Variants in RYK observed in about 807,000 individuals in gnomAD.
RYK encodes the protein inactive tyrosine-protein kinase RYK.
In RYK, 21 loss-of-function variants were observed where a neutral mutation model predicts 70.2. That is an observed-to-expected ratio of 0.30 (90% CI 0.21 to 0.43). The LOEUF is 0.43. Ranked by LOEUF, RYK falls within the 20% of genes least tolerant of loss-of-function variation. The pLI is 1.00. For missense variants in RYK, 604 were observed against 753.3 expected, an observed-to-expected ratio of 0.80 and a Z score of 2.32; for synonymous variants, 267 against 278.0, an observed-to-expected ratio of 0.96 and a Z score of 0.39.
chr3:134,250,659 G>T lies in RYK; in HGVS notation c.-5C>A. ...CAGCCGCGCCGCCCCACGCATGGCC[G>T]CCGCCGCCGCCGCCGAAGAGGAGCG... On this transcript the variant is annotated 5_prime_UTR_variant, in exon 1 of 15. Coordinates refer to ENST00000623711, the MANE Select transcript of RYK (RefSeq NM_002958.4). 1 of 979,490 alleles carries T rather than the reference G, an allele frequency of 1.0e-6. No homozygotes were observed. The highest frequency in any genetic ancestry group is 1.2e-6 in the Non-Finnish European group (1 of 826,978). The allele number at this position is 979,490 out of a possible 1,614,324, so 60.7% of individuals were successfully genotyped here. A position where few individuals can be genotyped will look rare whatever the true frequency, so the allele number is the denominator to read the frequency against.
chr3:134,212,187 A>G (rs1456702744), intron 2 of RYK, among the ~76,000 whole-genome samples: 1 of 152,206 alleles, frequency 6.6e-6, no homozygotes, highest in Non-Finnish European at 1.5e-5. Flanking sequence ...TTCTTAAGTG[A>G]TTCAGAATCC....
At position 134,174,386 on chromosome 3, in the gene RYK, G is replaced by A. The variant is rs371297036; in HGVS notation, c.1575+1223C>T. Among the ~76,000 whole-genome samples the A allele has an allele frequency of 2.6e-4, 39 of 152,208 alleles. 1 individual carries two copies. Among genetic ancestry groups the A allele is most frequent in the Admixed American group, 9.2e-4 (14 of 15,296 alleles). ...ATACCAATTAATATAATTAATTAGCGTACAGTAATACATGATTAAAAGATT... is the reference window on the plus strand; with the variant it reads ...ATACCAATTAATATAATTAATTAGCATACAGTAATACATGATTAAAAGATT... On this transcript the variant is annotated intron_variant, in intron 13 of 14. Transcript: ENST00000623711.
rs191818784 is a variant in RYK at position 134,202,757 on chromosome 3, C to T, written c.761G>A (p.Ser254Asn). 513 of 1,612,828 alleles carry T rather than the reference C, an allele frequency of 3.2e-4. 2 individuals carry two copies. The East Asian group carries it at 4.8e-3, about 15-fold the overall frequency. ...AIILAVLHLH[S>N]MKRIELDDSI... Reference sequence around the variant, plus strand: ...GTCATCCAGTTCAATCCTTTTCATACTATGAAGGTGCAAAACAGCTAATAT... The same window carrying T: ...GTCATCCAGTTCAATCCTTTTCATATTATGAAGGTGCAAAACAGCTAATAT... Residue 254 changes from serine to asparagine, a missense_variant, in exon 6 of 15, where the codon AGT (serine) becomes AAT (asparagine). By Grantham distance (46) the Ser-to-Asn change is conservative. Around this residue, in one of 2 missense-constraint regions of RYK, gnomAD observed 466 missense variants for 535.9 expected, o/e 0.87. Coordinates refer to ENST00000623711, the MANE Select transcript of RYK (RefSeq NM_002958.4).
intron 13 of RYK, among the ~76,000 whole-genome samples, chr3:134,161,870 A>G (rs937963353): frequency 4.6e-5 from 7 of 152,208 alleles, no homozygotes; most frequent in Non-Finnish European, 2.9e-5. Flanking sequence ...ATAATAACAT[A>G]CCACAAACGA....
At chr3:134,205,168 A>G (rs1220336155) in intron 5 of RYK, among the ~76,000 whole-genome samples, 1 of 152,196 alleles carries the variant, frequency 6.6e-6, no homozygotes, top group East Asian at 1.9e-4. Flanking sequence ...GTTTTGCCCA[A>G]GTTAAATTTG....
In RYK at chr3:134,157,664, T is replaced by G. The variant is rs2012293770; in HGVS notation, c.*489A>C. The G allele has an allele frequency of 1.3e-5, 2 of 152,672 alleles. No homozygotes were observed. The highest frequency in any genetic ancestry group is 2.4e-5 in the African/African-American group (1 of 41,438). 9.5% of individuals were successfully genotyped at this position (152,672 alleles called of 1,614,324 possible). ...AGGCAGACCAGGTATCTTTTTATGC[T>G]GTTTTTCCTTTACTAAGAAAAGTAT... On this transcript the variant is annotated 3_prime_UTR_variant, in exon 15 of 15. Transcript: ENST00000623711.
chr3:134,164,292 A>G (rs2012582676), intron 13 of RYK, among the ~76,000 whole-genome samples: 1 of 152,216 alleles, frequency 6.6e-6, no homozygotes, highest in South Asian at 2.1e-4. Flanking sequence ...AATTGCACAT[A>G]AAGTATTCCA....
At chr3:134,220,426 G>A (rs7641162) in intron 2 of RYK, among the ~76,000 whole-genome samples, 71,397 of 151,688 alleles carry the variant, frequency 0.47, 17,557 homozygotes, top group Middle Eastern at 0.65. Flanking sequence ...ATGGGGAGGG[G>A]GAGGGAGAGG....
At chr3:134,217,747 C>A (rs12152343) in intron 2 of RYK, among the ~76,000 whole-genome samples, 8 of 152,144 alleles carry the variant, frequency 5.3e-5, no homozygotes, top group Admixed American at 5.2e-4. Context: ...GCAAGGGGAA[C>A]TAAGTGGCTG....
chr3:134,192,129 T>A, intron 7 of RYK, 155 bp from the exon 8 acceptor site: 1 of 666,030 alleles, frequency 1.5e-6, no homozygotes, highest in Non-Finnish European at 2.5e-6. Context: ...GGAGAGTTAT[T>A]TGAAGGCCAC....
chr3:134,204,039 TGCC>T (rs139453226), intron 5 of RYK, among the ~76,000 whole-genome samples: 1,872 of 152,342 alleles, frequency 0.012, 17 homozygotes, highest in Non-Finnish European at 0.019. Context: ...ATCATTTTGT[TGCC>T]AGGGACCACT....
At chr3:134,190,405 A>C (rs528702339) in intron 8 of RYK, among the ~76,000 whole-genome samples, 43 of 152,306 alleles carry the variant, frequency 2.8e-4, no homozygotes, top group African/African-American at 9.9e-4. Context: ...AAACAATGGA[A>C]GTAAGGAACA....
In RYK at chr3:134,200,457, C is replaced by T. The variant is rs574979558; in HGVS notation, c.788+2273G>A. On this transcript the variant is annotated intron_variant, in intron 6 of 14. Coordinates refer to ENST00000623711, the MANE Select transcript of RYK (RefSeq NM_002958.4). ...AACATCTGAAGGAACAAACTCCAGA[C>T]ACACCATCTTTAAGAACTGTAACAC... Among the ~76,000 whole-genome samples the T allele has an allele frequency of 1.3e-5, 2 of 152,284 alleles. 1 individual carries two copies. The highest frequency in any genetic ancestry group is 4.8e-5 in the African/African-American group (2 of 41,562).
intron 2 of RYK, among the ~76,000 whole-genome samples, chr3:134,221,196 C>CTTTTTTTTTTTTTTT (rs71139519): frequency 6.4e-5 from 5 of 78,562 alleles, no homozygotes; most frequent in African/African-American, 2.8e-4. Flanking sequence ...AGTTCTTTTT[C>CTTTTTTTTTTTTTTT]TTTTTTTTTT....
intron 8 of RYK, among the ~76,000 whole-genome samples, chr3:134,189,499 G>A (rs1239936585): frequency 1.3e-5 from 2 of 152,042 alleles, no homozygotes; most frequent in African/African-American, 4.8e-5. Context: ...CGCGGCTCAC[G>A]CCTGTAATCC....
intron 13 of RYK, among the ~76,000 whole-genome samples, chr3:134,166,747 G>C (rs2012688062): frequency 6.6e-6 from 1 of 152,182 alleles, no homozygotes; most frequent in East Asian, 1.9e-4. Flanking sequence ...GATTTTATCA[G>C]TAAATTATCC....
intron 1 of RYK, among the ~76,000 whole-genome samples, chr3:134,239,495 T>C (rs1181508582): frequency 6.6e-6 from 1 of 152,058 alleles, no homozygotes; most frequent in Non-Finnish European, 1.5e-5. Flanking sequence ...GAAAAGCAGC[T>C]ATAAAAAATT....
intron 1 of RYK, among the ~76,000 whole-genome samples, chr3:134,228,941 T>C (rs1198099684): frequency 2.0e-5 from 3 of 152,092 alleles, no homozygotes; most frequent in Admixed American, 6.5e-5. Flanking sequence ...AGCAGAGATA[T>C]GTATCAAAAC....
rs540971765 is a variant in RYK, at chr3:134,159,378, T to C, written c.1576-5A>G. 1.8e-5 allele frequency: 29 copies of C among 1,594,676 alleles called. 1 individual carries two copies. In the South Asian group the frequency reaches 3.0e-4, roughly 16 times the overall value. ...CAGCGTCACTCCAAAGGCCCACTAG[T>C]AAAGGAGCAGAAGCACAATGAGGGG... On this transcript the variant is annotated splice_region_variant and splice_polypyrimidine_tract_variant and intron_variant, in intron 13 of 14. Coordinates refer to ENST00000623711, the MANE Select transcript of RYK (RefSeq NM_002958.4).
Sources: gnomAD v4.1 joint callset for allele counts (sites outside exome capture counted in the v4.1 genomes callset) on GRCh38, gnomAD v4.1.1 for gene constraint, gnomAD v4.1.1 regional missense constraint, MANE v1.5 for transcripts, NCBI Gene and HGNC (gene_info 2026-07-23, HGNC 2026-07-21) for gene names.